Variants in MROH2A observed in about 807,000 individuals in gnomAD.
MROH2A encodes the protein maestro heat-like repeat-containing protein family member 2A.
Under a neutral mutation model 200.4 loss-of-function variants are expected in MROH2A, and 174 were observed. The observed-to-expected ratio is 0.87, with a 90% CI of 0.77 to 0.98. The LOEUF (loss-of-function observed/expected upper bound fraction) is 0.98. Ranked by LOEUF, MROH2A falls within the 50% of genes least tolerant of loss-of-function variation. MROH2A has a pLI of 0.00. For missense variants in MROH2A, 2,045 were observed against 2,139.6 expected, an observed-to-expected ratio of 0.96 and a Z score of 0.87; for synonymous variants, 829 against 840.4, an observed-to-expected ratio of 0.99 and a Z score of 0.23.
intron 38 of MROH2A, among the ~76,000 whole-genome samples, chr2:233,830,761 T>TCCCTCTGCCACAC (rs949993302): frequency 2.0e-5 from 3 of 152,144 alleles, no homozygotes; most frequent in Non-Finnish European, 4.4e-5. Flanking sequence ...CTTTGCCACA[T>TCCCTCTGCCACAC]CCCTCTGCCA....
chr2:233,790,990 G>A (rs1002773842), intron 5 of MROH2A, among the ~76,000 whole-genome samples: 5 of 152,226 alleles, frequency 3.3e-5, no homozygotes, highest in Non-Finnish European at 5.9e-5. Flanking sequence ...GCAGAGAGGA[G>A]GATGTCTGTG....
In MROH2A at chr2:233,833,228, G is replaced by C. The variant is rs1433215023; in HGVS notation, c.4994G>C (p.Gly1665Ala). The C allele has an allele frequency of 1.4e-5, 22 of 1,550,120 alleles. No homozygotes were observed. The East Asian group carries it at 5.1e-4, about 36-fold the overall frequency. ...LTVLDSCSQH[G>A]FLASPQGMS is the part of the protein sequence containing the mutation. ...GTCTTGGATAGCTGTAGTCAGCATG[G>C]GTTTCTGGCTTCACCCCAAGGAATG... The change falls in exon 42 of 42, where the codon GGG (glycine) becomes GCG (alanine). Residue 1665 changes from glycine (G) to alanine (A), a missense_variant. Transcript: ENST00000389758.
At position 233,787,970 on chromosome 2, in the gene MROH2A, TAC is replaced by T. The variant is rs1559437417; in HGVS notation, c.277-1525_277-1524del. Among the ~76,000 whole-genome samples the T allele has an allele frequency of 5.7e-4, 42 of 74,078 alleles. 3 individuals carry two copies. Among genetic ancestry groups the T allele is most frequent in the African/African-American group, 1.9e-3 (32 of 17,260 alleles). The allele number at this position is 74,078 out of a possible 152,430, so 48.6% of individuals were successfully genotyped here. On this transcript the variant is annotated intron_variant, in intron 3 of 41. Coordinates refer to ENST00000389758, the MANE Select transcript of MROH2A (RefSeq NM_001394639.1). ...ATATTATATATACATATATTATATA[TAC>T]ATATATATTATATATACATATATTA...
chr2:233,816,820 C>A lies in MROH2A; in HGVS notation c.2896C>A (p.Arg966=), dbSNP rs879142849. ...GATCTTGTCGGAGAAAGAATGGGAGCGGGAAAAGGCCGTGAGCCTCCATCT... is the reference window on the plus strand; with the variant it reads ...GATCTTGTCGGAGAAAGAATGGGAGAGGGAAAAGGCCGTGAGCCTCCATCT... ...KWILSEKEWE[R]EKAVSLHLYL... is the part of the protein sequence containing the mutation. The change falls in exon 27 of 42, where the codon CGG becomes AGG. Residue 966 remains arginine, a synonymous_variant. Transcript: ENST00000389758. 1.9e-6 allele frequency: 3 copies of A among 1,550,260 alleles called. No homozygotes were observed. In the South Asian group the frequency reaches 3.6e-5, roughly 18 times the overall value.
At position 233,805,073 on chromosome 2, in the gene MROH2A, A is replaced by G. The variant is rs1295823870; in HGVS notation, c.2014A>G (p.Asn672Asp). The stretch of plus-strand genomic sequence containing the variant: ...CCTGCGCTTGAGTAAAGAGCTGAAC[A>G]ACCAGATTGCGAGCTTTGACAGCCC... ...WSLRLSKELN[N>D]QIASFDSPSL... The change falls in exon 19 of 42, where the codon AAC becomes GAC. Residue 672 changes from asparagine (N) to aspartate (D), a missense_variant. This residue lies in a region of MROH2A where 1,201 missense variants were observed against 1,311.3 expected (regional missense o/e 0.92). Coordinates refer to ENST00000389758, the MANE Select transcript of MROH2A (RefSeq NM_001394639.1). 1 of 1,550,130 alleles carries G rather than the reference A, an allele frequency of 6.5e-7. No individual in the cohort carries two copies. The highest frequency in any genetic ancestry group is 2.0e-5 in the Admixed American group (1 of 50,994).
At chr2:233,792,584 A>T (rs1224571213) in intron 5 of MROH2A, among the ~76,000 whole-genome samples, 1 of 152,026 alleles carries the variant, frequency 6.6e-6, no homozygotes, top group Non-Finnish European at 1.5e-5. Context: ...AAGTGCTGGG[A>T]TTACAGGCGT....
At chr2:233,818,909 T>A in intron 29 of MROH2A, 139 bp downstream of exon 29, 1 of 621,862 alleles carries the variant, frequency 1.6e-6, no homozygotes, top group Non-Finnish European at 2.8e-6. Flanking sequence ...TTGGCCCAAC[T>A]GCTGCCCTCT....
Position 233,809,121 on chromosome 2 carries a change from C to T in MROH2A, c.2296-5C>T, listed in dbSNP as rs747781462. The T allele has an allele frequency of 2.2e-4, 343 of 1,545,662 alleles. 1 individual carries two copies. Among genetic ancestry groups the T allele is most frequent in the Admixed American group, 6.3e-4 (32 of 50,880 alleles). ...CAGTGGTTCTTTTTCTCTTTGGCCT[C>T]GTAGAAGGACCATCCCTGGAGGCGG... On this transcript the variant is annotated splice_polypyrimidine_tract_variant and splice_region_variant and intron_variant, in intron 21 of 41. Coordinates refer to ENST00000389758, the MANE Select transcript of MROH2A (RefSeq NM_001394639.1).
At chr2:233,790,378 CCCTCCCTT>C (rs371308267) in intron 5 of MROH2A, among the ~76,000 whole-genome samples, 85 of 132,224 alleles carry the variant, frequency 6.4e-4, no homozygotes, top group African/African-American at 2.1e-3. Flanking sequence ...TCTCCTTCTT[CCCTCCCTT>C]CCTCCCTTCC....
intron 6 of MROH2A, 122 bp downstream of exon 6, chr2:233,793,016 G>T: frequency 1.0e-6 from 1 of 996,138 alleles, no homozygotes; most frequent in Non-Finnish European, 1.5e-6. Flanking sequence ...GTTCTCCAAA[G>T]GAGTTTGCTT....
intron 22 of MROH2A, among the ~76,000 whole-genome samples, chr2:233,809,742 ACACC>A (rs1208195618): frequency 1.3e-5 from 2 of 151,252 alleles, no homozygotes; most frequent in Non-Finnish European, 2.9e-5. Context: ...ATGGCAAAAT[ACACC>A]TAACATAAAG....
chr2:233,818,212 G>C, intron 28 of MROH2A, 87 bp downstream of exon 28: 1 of 1,478,268 alleles, frequency 6.8e-7, no homozygotes, highest in Non-Finnish European at 9.1e-7. Context: ...CTGCCCTGGA[G>C]GGAAGGATGG....
At chr2:233,777,404 G>A (rs1033252635), upstream of MROH2A, among the ~76,000 whole-genome samples, 1 of 152,222 alleles carries the variant, frequency 6.6e-6, no homozygotes, top group East Asian at 1.9e-4. Context: ...TGGGGAGTGG[G>A]AGGAGGTAGT....
Position 233,807,366 on chromosome 2 carries a change from C to A in MROH2A, c.2053-57C>A. The A allele has an allele frequency of 6.7e-7, 1 of 1,496,864 alleles. No homozygotes were observed. Among genetic ancestry groups the A allele is most frequent in the South Asian group, 1.3e-5 (1 of 77,936 alleles). 92.7% of individuals were successfully genotyped at this position (1,496,864 alleles called of 1,614,324 possible). A position where few individuals can be genotyped will look rare whatever the true frequency, so the allele number is the denominator to read the frequency against. On this transcript the variant is annotated intron_variant, in intron 19 of 41. Coordinates refer to ENST00000389758, the MANE Select transcript of MROH2A (RefSeq NM_001394639.1). This position sits in a 1 kb window ranked among gnomAD's most constrained non-coding sequence, Gnocchi z 4.3. Reference sequence around the variant, plus strand: ...CGTAGAAAACTCTCTACAACAGCACCCCCTGAAGGCTGGCTGTAGGGAGGC... The same window carrying A: ...CGTAGAAAACTCTCTACAACAGCACACCCTGAAGGCTGGCTGTAGGGAGGC...
At chr2:233,816,337 T>C (rs577589313) in intron 26 of MROH2A, among the ~76,000 whole-genome samples, 1 of 152,370 alleles carries the variant, frequency 6.6e-6, no homozygotes, top group South Asian at 2.1e-4. Flanking sequence ...TCTTTCATTT[T>C]TTGCTTCATG....
intron 19 of MROH2A, among the ~76,000 whole-genome samples, chr2:233,806,690 C>T (rs1702811234): frequency 6.6e-6 from 1 of 151,942 alleles, no homozygotes. Context: ...GTTCAACTTA[C>T]ACAGAAGTTG....
In MROH2A at chr2:233,822,037, G is replaced by C. The variant is rs13420920; in HGVS notation, c.3513-87G>C. On this transcript the variant is annotated intron_variant, in intron 31 of 41. Transcript: ENST00000389758. ...GTCCCCAGAGTCCAACCCCTACTTA[G>C]GGGGCTGCCAAGGGTTTGAAAGGGA... 3.1e-3 allele frequency: 4,531 copies of C among 1,440,582 alleles called. 107 individuals are homozygous for C. In the African/African-American group the frequency reaches 0.054, roughly 17 times the overall value. The allele number at this position is 1,440,582 out of a possible 1,614,324, so 89.2% of individuals were successfully genotyped here.
chr2:233,811,222 G>A (rs944364946), intron 23 of MROH2A, among the ~76,000 whole-genome samples: 4 of 152,246 alleles, frequency 2.6e-5, no homozygotes, highest in Admixed American at 2.6e-4. Flanking sequence ...CTTGGCTGTA[G>A]CTTCCCTGTC....
intron 19 of MROH2A, among the ~76,000 whole-genome samples, chr2:233,805,985 C>T (rs1035489211): frequency 6.6e-6 from 1 of 152,110 alleles, no homozygotes; most frequent in Non-Finnish European, 1.5e-5. Context: ...CAGGATAAAT[C>T]TTGTGACCTT....
Sources: gnomAD v4.1 joint callset for allele counts (sites outside exome capture counted in the v4.1 genomes callset) on GRCh38, gnomAD v4.1.1 for gene constraint, gnomAD v4.1.1 regional missense constraint, Gnocchi (gnomAD v3.1) non-coding constraint, MANE v1.5 for transcripts, NCBI Gene and HGNC (gene_info 2026-07-23, HGNC 2026-07-21) for gene names.